BCAS3: variants seen among roughly 807,000 people sequenced by gnomAD.
BCAS3 encodes BCAS3 microtubule associated cell migration factor.
In BCAS3, 53 loss-of-function variants were observed where a neutral mutation model predicts 116.1. The ratio of observed to expected loss-of-function variants is 0.46; its 90% CI spans 0.37 to 0.57. The LOEUF (loss-of-function observed/expected upper bound fraction) is 0.57, where lower values mean the gene tolerates loss of function less well. Among genes scored for constraint, BCAS3 ranks in the 20% least tolerant of loss-of-function variants. The pLI, the probability that BCAS3 is intolerant of heterozygous loss-of-function variation, is 0.00. For missense variants in BCAS3, 917 were observed against 1,165.4 expected (o/e 0.79, Z 3.10); for synonymous variants, 391 against 408.2 (o/e 0.96, Z 0.51).
At chr17:61,304,202 G>A (rs535539716) in intron 22 of BCAS3, among the ~76,000 whole-genome samples, 2 of 152,142 alleles carry the variant, frequency 1.3e-5, no homozygotes, top group Admixed American at 6.5e-5. Context: ...TTAATTATCT[G>A]GTCTTCCCAC....
chr17:60,954,329 T>C (rs1290804509), intron 14 of BCAS3, among the ~76,000 whole-genome samples: 2 of 152,222 alleles, frequency 1.3e-5, no homozygotes, highest in Non-Finnish European at 2.9e-5. Flanking sequence ...TTGCTTAGGA[T>C]TACGTTGGTT....
Position 61,141,121 on chromosome 17 carries a change from A to G in BCAS3, c.2425+56557A>G, listed in dbSNP as rs879562249. Among the ~76,000 whole-genome samples, 3 of 152,180 alleles carry G rather than the reference A, an allele frequency of 2.0e-5. No homozygotes were observed. The highest frequency in any genetic ancestry group is 2.9e-5 in the Non-Finnish European group (2 of 68,040). On this transcript the variant is annotated intron_variant, in intron 22 of 23. Coordinates refer to ENST00000407086, the MANE Select transcript of BCAS3 (RefSeq NM_017679.5). The surrounding 1 kb of genome is among the most constrained non-coding windows in gnomAD (Gnocchi z 4.3). ...TGAGTATTCATCCTCTGTTGCCCTA[A>G]GAACTTACACCTACTGGTTCATAAA...
intron 14 of BCAS3, among the ~76,000 whole-genome samples, chr17:60,978,982 G>A (rs1466361199): frequency 2.7e-4 from 38 of 139,164 alleles, no homozygotes; most frequent in Non-Finnish European, 4.9e-4. Flanking sequence ...CCTTGGCGAT[G>A]CGGGCTCTTT....
rs1461586711 is a variant in BCAS3 at position 61,084,599 on chromosome 17, T to C, written c.2425+35T>C. ...CACCTCTGAAATATTTATTGGGCAG[T>C]CCTGTGCATTTTTAACTAATTTTCT... On this transcript the variant is annotated intron_variant, in intron 22 of 23. Transcript: ENST00000407086. The surrounding 1 kb of genome is among the most constrained non-coding windows in gnomAD (Gnocchi z 5.5). The C allele has an allele frequency of 6.6e-7, 1 of 1,513,450 alleles. No homozygotes were observed. The allele number at this position is 1,513,450 out of a possible 1,614,324, so 93.8% of individuals were successfully genotyped here.
chr17:61,240,121 A>C (rs780056075), intron 22 of BCAS3, among the ~76,000 whole-genome samples: 3 of 152,220 alleles, frequency 2.0e-5, no homozygotes, highest in Non-Finnish European at 4.4e-5. Context: ...CAGCAGCAGC[A>C]GCAGCAGGAG....
rs869234681 is a variant in BCAS3 at position 61,044,776 on chromosome 17, C to CT, written c.2029+3898dup. On this transcript the variant is annotated intron_variant, in intron 19 of 23. Coordinates refer to ENST00000407086, the MANE Select transcript of BCAS3 (RefSeq NM_017679.5). ...TGATCAGTGAAATGATGCTAAAGTC[C>CT]TTTTTTTTTTTTTTGAGATGGAGTC... Among the ~76,000 whole-genome samples the CT allele has an allele frequency of 6.9e-3, 973 of 141,708 alleles. 6 individuals carry two copies. Among genetic ancestry groups the CT allele is most frequent in the African/African-American group, 0.017 (670 of 38,748 alleles). The allele number at this position is 141,708 out of a possible 152,430, so 93.0% of individuals were successfully genotyped here.
intron 14 of BCAS3, among the ~76,000 whole-genome samples, chr17:60,989,395 A>T (rs1257134679): frequency 6.6e-6 from 1 of 152,022 alleles, no homozygotes; most frequent in African/African-American, 2.4e-5. Flanking sequence ...GAGATTCTTT[A>T]TTCACTGTAT....
intron 11 of BCAS3, among the ~76,000 whole-genome samples, chr17:60,908,238 G>A (rs1357258816): frequency 6.6e-6 from 1 of 151,652 alleles, no homozygotes; most frequent in Non-Finnish European, 1.5e-5. Context: ...TCTTCTCTCT[G>A]TGGATCTTTT....
rs140741600 is a variant in BCAS3 at position 61,245,947 on chromosome 17, G to A, written c.2426-122380G>A. On this transcript the variant is annotated intron_variant, in intron 22 of 23. Coordinates refer to ENST00000407086, the MANE Select transcript of BCAS3 (RefSeq NM_017679.5). ...ACTCAGCGTGAGGCTGAAGCTGGAAGGTCACCTCCCCTAACGTGAATAAAA... is the reference window on the plus strand; with the variant it reads ...ACTCAGCGTGAGGCTGAAGCTGGAAAGTCACCTCCCCTAACGTGAATAAAA... Among the ~76,000 whole-genome samples the A allele has an allele frequency of 1.6e-3, 243 of 152,278 alleles. 1 individual carries two copies. Among genetic ancestry groups the A allele is most frequent in the Middle Eastern group, 0.014 (4 of 294 alleles).
At position 61,026,719 on chromosome 17, in the gene BCAS3, A is replaced by T. The variant is rs1415704624; in HGVS notation, c.1638-7947A>T. 1 of 701,574 alleles carries T rather than the reference A, an allele frequency of 1.4e-6. No homozygotes were observed. Among genetic ancestry groups the T allele is most frequent in the Non-Finnish European group, 2.4e-6 (1 of 412,920 alleles). The allele number at this position is 701,574 out of a possible 1,614,324, so 43.5% of individuals were successfully genotyped here. A position where few individuals can be genotyped will look rare whatever the true frequency, so the allele number is the denominator to read the frequency against. ...TCATTCTGTTTATTGGTTATATCAG[A>T]CAGTATGTACAGCAGAATTGTAAAT... On this transcript the variant is annotated intron_variant, in intron 16 of 23. Transcript: ENST00000407086. The surrounding 1 kb of genome is among the most constrained non-coding windows in gnomAD (Gnocchi z 5.0).
rs2055500812 is a variant in BCAS3 at position 61,323,746 on chromosome 17, A to T, written c.2426-44581A>T. 6.6e-6 allele frequency among the ~76,000 whole-genome samples: 1 copy of T among 152,050 alleles called. No homozygotes were observed. The highest frequency in any genetic ancestry group is 2.4e-5 in the African/African-American group (1 of 41,408). On this transcript the variant is annotated intron_variant, in intron 22 of 23. Coordinates refer to ENST00000407086, the MANE Select transcript of BCAS3 (RefSeq NM_017679.5). This position sits in a 1 kb window ranked among gnomAD's most constrained non-coding sequence, Gnocchi z 4.6. Reference sequence around the variant, plus strand: ...TCCAAGGATTCAGGGACCATTCATCACCGTGGTGCCTAGTCCCCAGGAGGT... The same window carrying T: ...TCCAAGGATTCAGGGACCATTCATCTCCGTGGTGCCTAGTCCCCAGGAGGT...
Position 61,241,961 on chromosome 17 carries a change from G to A in BCAS3, c.2426-126366G>A, listed in dbSNP as rs1359710827. ...TTAAGTATATCTGGGACCAGAAATG[G>A]CTCTTGTTATCCAAGGTAAAGAATC... On this transcript the variant is annotated intron_variant, in intron 22 of 23. Transcript: ENST00000407086. The surrounding 1 kb of genome is among the most constrained non-coding windows in gnomAD (Gnocchi z 4.6). 6.6e-6 allele frequency among the ~76,000 whole-genome samples: 1 copy of A among 152,056 alleles called. No homozygotes were observed. Among genetic ancestry groups the A allele is most frequent in the Admixed American group, 6.6e-5 (1 of 15,252 alleles).
chr17:60,804,096 C>T (rs2144605680), intron 6 of BCAS3, among the ~76,000 whole-genome samples: 1 of 151,154 alleles, frequency 6.6e-6, no homozygotes, highest in African/African-American at 2.4e-5. Flanking sequence ...AGCCACTGCG[C>T]CCGGCCACTA....
At position 61,300,924 on chromosome 17, in the gene BCAS3, A is replaced by G; in HGVS notation, c.2426-67403A>G. ...GCCACAGACCACTGGCAATCTGGCCAAGCCTGCAGACCCTTTCTCAGAATA... is the reference window on the plus strand; with the variant it reads ...GCCACAGACCACTGGCAATCTGGCCGAGCCTGCAGACCCTTTCTCAGAATA... On this transcript the variant is annotated intron_variant, in intron 22 of 23. Transcript: ENST00000407086. The surrounding 1 kb of genome is among the most constrained non-coding windows in gnomAD (Gnocchi z 5.1). 6.6e-6 allele frequency among the ~76,000 whole-genome samples: 1 copy of G among 152,246 alleles called. No homozygotes were observed. Among genetic ancestry groups the G allele is most frequent in the Non-Finnish European group, 1.5e-5 (1 of 68,046 alleles).
chr17:60,826,049 A>G (rs1206379361), intron 7 of BCAS3, among the ~76,000 whole-genome samples: 2 of 151,442 alleles, frequency 1.3e-5, no homozygotes, highest in African/African-American at 4.9e-5. Context: ...TTTAGTAGAA[A>G]CAGGGTTTCA....
chr17:61,090,530 C>G lies in BCAS3; in HGVS notation c.2425+5966C>G, dbSNP rs569036526. 3.3e-5 allele frequency among the ~76,000 whole-genome samples: 5 copies of G among 152,274 alleles called. No homozygotes were observed. In the East Asian group the frequency reaches 9.6e-4, roughly 29 times the overall value. ...TTCTAATCTTTCGACTATCTGCTGT[C>G]TATATAAAATCAAAAGTAAGTTTTA... On this transcript the variant is annotated intron_variant, in intron 22 of 23. Transcript: ENST00000407086.
intron 14 of BCAS3, among the ~76,000 whole-genome samples, chr17:60,973,309 A>C (rs1419358207): frequency 6.6e-6 from 1 of 152,126 alleles, no homozygotes; most frequent in Non-Finnish European, 1.5e-5. Context: ...AGAATCCTGC[A>C]ATAGCCACCT....
chr17:61,227,207 GA>G lies in BCAS3; in HGVS notation c.2426-141119del, dbSNP rs1253513544. Among the ~76,000 whole-genome samples, 2 of 152,226 alleles carry G rather than the reference GA, an allele frequency of 1.3e-5. No individual in the cohort carries two copies. Among genetic ancestry groups the G allele is most frequent in the Admixed American group, 1.3e-4 (2 of 15,292 alleles). ...GAATGAGTTCCCACAGACTGTCCTA[GA>G]GGGGCCACAGACTGCTCTGAGAAGC... On this transcript the variant is annotated intron_variant, in intron 22 of 23. Transcript: ENST00000407086. The surrounding 1 kb of genome is among the most constrained non-coding windows in gnomAD (Gnocchi z 6.1).
At chr17:60,973,066 A>C (rs1445402807) in intron 14 of BCAS3, among the ~76,000 whole-genome samples, 1 of 152,198 alleles carries the variant, frequency 6.6e-6, no homozygotes, top group Non-Finnish European at 1.5e-5. Flanking sequence ...AAAGAAAACC[A>C]CATTTAACAA....
Sources: allele counts gnomAD v4.1 joint callset (sites outside exome capture counted in the v4.1 genomes callset), GRCh38; gene constraint gnomAD v4.1.1; non-coding constraint Gnocchi (gnomAD v3.1); transcripts MANE v1.5; gene names NCBI Gene and HGNC (gene_info 2026-07-23, HGNC 2026-07-21).